The following DECR1 variants were observed in gnomAD, a reference collection of about 807,000 sequenced individuals.
DECR1 encodes 2,4-dienoyl-CoA reductase [(3E)-enoyl-CoA-producing], mitochondrial.
In DECR1, 44 loss-of-function variants were observed where a neutral mutation model predicts 38.8. The ratio of observed to expected loss-of-function variants is 1.13; its 90% CI spans 0.89 to 1.46. The LOEUF is 1.46. DECR1 is among the 40% of genes most tolerant of loss of function. The pLI is 0.00. For synonymous variants in DECR1, 148 were observed against 135.2 expected (o/e 1.09, Z -0.66); for missense variants, 428 against 405.5 (o/e 1.06, Z -0.48).
chr8:90,020,348 T>C (rs16902428), intron 4 of DECR1, among the ~76,000 whole-genome samples: 32,831 of 152,134 alleles, frequency 0.22, 6,493 homozygotes, highest in African/African-American at 0.52. Flanking sequence ...ATGGTAAATA[T>C]GTTTAATCTG....
chr8:90,034,934 C>T (rs1813582609), intron 5 of DECR1, among the ~76,000 whole-genome samples: 2 of 152,092 alleles, frequency 1.3e-5, no homozygotes, highest in South Asian at 4.1e-4. Context: ...ATCTCAGTTT[C>T]TCTATAATAT....
In DECR1 at chr8:90,042,809, T is replaced by C. The variant is rs1479179799; in HGVS notation, c.738+9T>C. 1.9e-6 allele frequency: 3 copies of C among 1,608,830 alleles called. No individual in the cohort carries two copies. The highest frequency in any genetic ancestry group is 3.3e-5 in the Admixed American group (2 of 59,998). On this transcript the variant is annotated intron_variant, in intron 7 of 9. Transcript: ENST00000220764. ...GGCCTATAAAAACCAAAGTAAGTTG[T>C]ATTTTGCTTGTTATCACATTGTGAA...
chr8:90,036,286 A>G (rs898786020), intron 5 of DECR1, among the ~76,000 whole-genome samples: 2 of 151,836 alleles, frequency 1.3e-5, no homozygotes, highest in African/African-American at 4.8e-5. Context: ...TCATCCTTCC[A>G]TCTATATAGT....
At chr8:90,048,812 C>T (rs1813985585) in intron 8 of DECR1, among the ~76,000 whole-genome samples, 1 of 152,168 alleles carries the variant, frequency 6.6e-6, no homozygotes, top group South Asian at 2.1e-4. Context: ...CAAACCAAAT[C>T]CAGCAGCACA....
intron 5 of DECR1, among the ~76,000 whole-genome samples, chr8:90,021,421 A>G (rs532236497): frequency 6.6e-6 from 1 of 152,170 alleles, no homozygotes; most frequent in Non-Finnish European, 1.5e-5. Context: ...ACATAAGTAC[A>G]TAGGGAATGA....
Position 90,051,957 on chromosome 8 carries a change from C to T in DECR1, c.*60C>T, listed in dbSNP as rs1814110185. 1.4e-6 allele frequency: 2 copies of T among 1,418,410 alleles called. No individual in the cohort carries two copies. Among genetic ancestry groups the T allele is most frequent in the Admixed American group, 3.5e-5 (2 of 57,160 alleles). The allele number at this position is 1,418,410 out of a possible 1,614,324, so 87.9% of individuals were successfully genotyped here. ...GGAATAGAAATGAAACAAATTATCT[C>T]TCATCTTTTGACTATTTCAAGTCTA... is the stretch of plus-strand genomic sequence containing the variant. On this transcript the variant is annotated 3_prime_UTR_variant, in exon 10 of 10. Transcript: ENST00000220764.
At position 90,052,402 on chromosome 8, in the gene DECR1, T is replaced by G. The variant is rs1342315280; in HGVS notation, c.*505T>G. The stretch of plus-strand genomic sequence containing the variant: ...CAGTATTAACTCAAACCTTTAATTT[T>G]TACTAGGACCTATTTGTAGCCAGGC... On this transcript the variant is annotated 3_prime_UTR_variant, in exon 10 of 10. Coordinates refer to ENST00000220764, the MANE Select transcript of DECR1 (RefSeq NM_001359.2). Among the ~76,000 whole-genome samples the G allele has an allele frequency of 6.6e-6, 1 of 152,220 alleles. No individual in the cohort carries two copies. Among genetic ancestry groups the G allele is most frequent in the African/African-American group, 2.4e-5 (1 of 41,460 alleles).
intron 5 of DECR1, among the ~76,000 whole-genome samples, chr8:90,035,135 T>A (rs1813588379): frequency 6.6e-6 from 1 of 152,194 alleles, no homozygotes; most frequent in Non-Finnish European, 1.5e-5. Flanking sequence ...TACCTTTGGC[T>A]GCAATTAGGA....
intron 1 of DECR1, 153 bp from the exon 2 acceptor site, chr8:90,016,971 G>T: frequency 1.6e-6 from 1 of 610,700 alleles, no homozygotes; most frequent in Non-Finnish European, 2.8e-6. Context: ...AGAAAACAAA[G>T]AATAATAATT....
chr8:90,023,737 C>G (rs1813224944), intron 5 of DECR1, among the ~76,000 whole-genome samples: 1 of 151,922 alleles, frequency 6.6e-6, no homozygotes, highest in South Asian at 2.1e-4. Context: ...TATTATTACA[C>G]TTTAAGTTCT....
chr8:90,025,288 A>G (rs1483953944), intron 5 of DECR1, among the ~76,000 whole-genome samples: 1 of 152,148 alleles, frequency 6.6e-6, no homozygotes, highest in Non-Finnish European at 1.5e-5. Context: ...TGGGGATGGC[A>G]TTGAATCTAT....
At chr8:90,050,806 A>G (rs867016904) in intron 8 of DECR1, among the ~76,000 whole-genome samples, 5 of 152,228 alleles carry the variant, frequency 3.3e-5, no homozygotes, top group Non-Finnish European at 7.3e-5. Flanking sequence ...TGGATTAAGA[A>G]AATGTGGCAC....
rs774030622 is a variant in DECR1, at chr8:90,001,511, GT to G, written c.23del (p.Phe8SerfsTer68). On this transcript the variant is annotated frameshift_variant, in exon 1 of 10. Transcript: ENST00000220764. LOFTEE classifies it high-confidence loss of function. ...ACTCAACATGAAGCTACCGGCCAGGGTTTTCTTTACTCTGGGGTCCCGGCTG... is the reference window on the plus strand; with the variant it reads ...ACTCAACATGAAGCTACCGGCCAGGGTTTCTTTACTCTGGGGTCCCGGCTG... MKLPAR[V>X]FFTLGSRLPC... 1 of 1,614,042 alleles carries G rather than the reference GT, an allele frequency of 6.2e-7. No homozygotes were observed. The highest frequency in any genetic ancestry group is 1.7e-5 in the Admixed American group (1 of 60,032).
intron 1 of DECR1, among the ~76,000 whole-genome samples, chr8:90,004,128 A>G (rs962421472): frequency 6.6e-6 from 1 of 151,718 alleles, no homozygotes; most frequent in Non-Finnish European, 1.5e-5. Context: ...TAACTATCCA[A>G]CCTGATCAAC....
intron 7 of DECR1, 143 bp from the exon 8 acceptor site, chr8:90,044,698 TAAGAATAA>T: frequency 1.5e-6 from 1 of 681,790 alleles, no homozygotes; most frequent in Non-Finnish European, 2.3e-6. Flanking sequence ...ATTTTTTTTT[TAAGAATAA>T]TTTGGTGAAA....
rs944297211 is a variant in DECR1, at chr8:90,036,887, A to G, written c.612A>G (p.Ser204=). The G allele has an allele frequency of 6.2e-7, 1 of 1,613,572 alleles. No homozygotes were observed. The highest frequency in any genetic ancestry group is 8.5e-7 in the Non-Finnish European group (1 of 1,179,762). ...CTACTATCTATGCTGAGACTGGTTC[A>G]GGTTTTGTAGTACCAAGTGCTTCTG... is the stretch of plus-strand genomic sequence containing the variant. ...SITTIYAETG[S]GFVVPSASAK... is the part of the protein sequence containing the mutation. Residue 204 remains serine, a synonymous_variant, in exon 6 of 10, where the codon TCA becomes TCG. Transcript: ENST00000220764.
intron 1 of DECR1, among the ~76,000 whole-genome samples, chr8:90,007,486 T>A (rs1246528298): frequency 6.6e-6 from 1 of 151,432 alleles, no homozygotes; most frequent in Non-Finnish European, 1.5e-5. Context: ...ATGGGGCTTA[T>A]AGACGGATGG....
intron 5 of DECR1, among the ~76,000 whole-genome samples, chr8:90,025,896 A>C (rs1403409796): frequency 2.0e-5 from 3 of 152,206 alleles, no homozygotes; most frequent in Admixed American, 6.5e-5. Flanking sequence ...GATACGTCCC[A>C]TCAATACCTA....
chr8:90,026,164 G>T (rs1389679984), intron 5 of DECR1, among the ~76,000 whole-genome samples: 1 of 152,156 alleles, frequency 6.6e-6, no homozygotes, highest in Non-Finnish European at 1.5e-5. Flanking sequence ...TGTTCATCAG[G>T]GATATTGGTC....
Sources: gnomAD v4.1 joint callset for allele counts (sites outside exome capture counted in the v4.1 genomes callset) on GRCh38, gnomAD v4.1.1 for gene constraint, MANE v1.5 for transcripts, NCBI Gene and HGNC (gene_info 2026-07-23, HGNC 2026-07-21) for gene names.